The following FBXO11 variants were observed in gnomAD, a reference collection of about 807,000 sequenced individuals.
FBXO11 encodes F-box only protein 11.
In FBXO11, 13 loss-of-function variants were observed where a neutral mutation model predicts 117.0. The ratio of observed to expected loss-of-function variants is 0.11; its 90% CI spans 0.07 to 0.18. The LOEUF is 0.18. Ranked by LOEUF, FBXO11 falls within the 10% of genes least tolerant of loss-of-function variation. The pLI is 1.00. For missense variants in FBXO11, 767 were observed against 1,164.4 expected, an observed-to-expected ratio of 0.66 and a Z score of 4.97; for synonymous variants, 490 against 380.5, an observed-to-expected ratio of 1.29 and a Z score of -3.35.
chr2:47,859,476 A>C (rs1674586072), intron 1 of FBXO11, among the ~76,000 whole-genome samples: 1 of 152,214 alleles, frequency 6.6e-6, no homozygotes, highest in Non-Finnish European at 1.5e-5. Context: ...GTTGGGAAAA[A>C]CTTGGCAAAG....
intron 1 of FBXO11, chr2:47,883,674 T>C (rs1330649539): frequency 1.1e-5 from 3 of 266,562 alleles, no homozygotes; most frequent in Non-Finnish European, 1.5e-5. Flanking sequence ...GTTGAGACTT[T>C]GTGATGTTAT....
chr2:47,838,062 A>AAG (rs1491525560), intron 4 of FBXO11, among the ~76,000 whole-genome samples: 2 of 14,402 alleles, frequency 1.4e-4, no homozygotes, highest in Non-Finnish European at 2.5e-4. Context: ...CCTTTGTCTC[A>AAG]AAAAAAAAAA....
At chr2:47,901,190 T>C (rs902863133) in intron 1 of FBXO11, among the ~76,000 whole-genome samples, 7 of 148,028 alleles carry the variant, frequency 4.7e-5, no homozygotes, top group African/African-American at 1.7e-4. Flanking sequence ...TGTGGGTACA[T>C]ATATATGTGT....
chr2:47,880,282 T>C (rs564405853), intron 1 of FBXO11, among the ~76,000 whole-genome samples: 1 of 152,318 alleles, frequency 6.6e-6, no homozygotes, highest in South Asian at 2.1e-4. Flanking sequence ...TGTTTTAATG[T>C]AATAGAATTT....
chr2:47,848,458 A>ACC (rs1490469621), intron 1 of FBXO11, among the ~76,000 whole-genome samples: 1 of 152,150 alleles, frequency 6.6e-6, no homozygotes, highest in Non-Finnish European at 1.5e-5. Flanking sequence ...GAAACCACCC[A>ACC]CCCCTCTGAG....
intron 1 of FBXO11, among the ~76,000 whole-genome samples, chr2:47,852,348 G>A (rs1193953295): frequency 6.6e-6 from 1 of 152,162 alleles, no homozygotes; most frequent in Non-Finnish European, 1.5e-5. Context: ...AAAGGATGGA[G>A]AGGGGGCTCA....
intron 1 of FBXO11, among the ~76,000 whole-genome samples, chr2:47,884,929 C>T (rs1676704121): frequency 6.6e-6 from 1 of 152,082 alleles, no homozygotes; most frequent in Non-Finnish European, 1.5e-5. Flanking sequence ...TTCTATTGCG[C>T]ATCATAAGTC....
At chr2:47,859,023 T>G (rs1347640092) in intron 1 of FBXO11, among the ~76,000 whole-genome samples, 1 of 129,182 alleles carries the variant, frequency 7.7e-6, no homozygotes, top group African/African-American at 3.0e-5. Flanking sequence ...CCTGGGCGAC[T>G]GAGCAAAACT....
intron 7 of FBXO11, among the ~76,000 whole-genome samples, chr2:47,834,232 C>T (rs1672389348): frequency 6.6e-6 from 1 of 152,076 alleles, no homozygotes; most frequent in African/African-American, 2.4e-5. Context: ...TGCCTATAAT[C>T]CCAGCTACTT....
intron 1 of FBXO11, among the ~76,000 whole-genome samples, chr2:47,897,164 A>C (rs1208790249): frequency 6.6e-6 from 1 of 152,162 alleles, no homozygotes; most frequent in Non-Finnish European, 1.5e-5. Flanking sequence ...CCCCTTTCCT[A>C]CTAAGTGTTA....
At position 47,828,714 on chromosome 2, in the gene FBXO11, C is replaced by T. The variant is rs533723464; in HGVS notation, c.1398+3635G>A. The stretch of plus-strand genomic sequence containing the variant: ...CTATCTTCATAGAAATAAACTTCCA[C>T]AACTCTAATCTATAAAAACACTTAC... On this transcript the variant is annotated intron_variant, in intron 11 of 22. Coordinates refer to ENST00000403359, the MANE Select transcript of FBXO11 (RefSeq NM_001190274.2). Among the ~76,000 whole-genome samples the T allele has an allele frequency of 2.0e-5, 3 of 152,116 alleles. No individual in the cohort carries two copies. In the South Asian group the frequency reaches 6.2e-4, roughly 32 times the overall value.
At chr2:47,876,011 G>A (rs1200530775) in intron 1 of FBXO11, among the ~76,000 whole-genome samples, 2 of 152,126 alleles carry the variant, frequency 1.3e-5, no homozygotes, top group African/African-American at 2.4e-5. Flanking sequence ...ACTATGAGAA[G>A]GTATTATTGT....
rs1211533218 is a variant in FBXO11, at chr2:47,905,701, G to A, written c.20C>T (p.Ala7Val). 5 of 1,523,026 alleles carry A rather than the reference G, an allele frequency of 3.3e-6. No homozygotes were observed. The highest frequency in any genetic ancestry group is 4.4e-6 in the Non-Finnish European group (5 of 1,137,544). 94.3% of individuals were successfully genotyped at this position (1,523,026 alleles called of 1,614,324 possible). MNSVRA[A>V]NRRPRRVSRP... The stretch of plus-strand genomic sequence containing the variant: ...CGACACTCGCCTGGGTCTCCGGTTG[G>A]CGGCTCGGACGGAGTTCATTTGCCG... The change falls in exon 1 of 23, where the codon GCC becomes GTC. Residue 7 changes from alanine (A) to valine (V), a missense_variant. Physicochemically the swap from Ala to Val is moderately conservative, Grantham distance 64. Around this residue, in one of 10 missense-constraint regions of FBXO11, gnomAD observed 355 missense variants for 299.8 expected, o/e 1.18. Coordinates refer to ENST00000403359, the MANE Select transcript of FBXO11 (RefSeq NM_001190274.2).
intron 1 of FBXO11, among the ~76,000 whole-genome samples, chr2:47,903,583 CG>C: frequency 6.6e-6 from 1 of 152,182 alleles, no homozygotes; most frequent in South Asian, 2.1e-4. Context: ...CAACTAAGTT[CG>C]AAATTACACA....
rs1171244174 is a variant in FBXO11 at position 47,813,056 on chromosome 2, T to C, written c.2227+178A>G. 59 of 655,970 alleles carry C rather than the reference T, an allele frequency of 9.0e-5. 3 individuals carry two copies. The South Asian group carries it at 1.0e-3, about 11-fold the overall frequency. 40.6% of individuals were successfully genotyped at this position (655,970 alleles called of 1,614,324 possible). On this transcript the variant is annotated intron_variant, in intron 18 of 22. Transcript: ENST00000403359. ...CAAAGTGGCTACAAAAGGAAAAGTA[T>C]TGTAAACATTTGTCTCTTAACTCTA...
chr2:47,901,120 C>T (rs1351053733), intron 1 of FBXO11, among the ~76,000 whole-genome samples: 8 of 78,478 alleles, frequency 1.0e-4, no homozygotes, highest in East Asian at 5.4e-4. Context: ...TATGTACACA[C>T]GTGTGTACAT....
intron 1 of FBXO11, among the ~76,000 whole-genome samples, chr2:47,843,173 G>C (rs776478119): frequency 4.6e-5 from 7 of 152,064 alleles, no homozygotes; most frequent in Non-Finnish European, 8.8e-5. Flanking sequence ...CTCCCTTTGA[G>C]GTCTAATATG....
chr2:47,834,918 C>T, intron 5 of FBXO11, 47 bp from the exon 6 acceptor site: 1 of 1,321,136 alleles, frequency 7.6e-7, no homozygotes, highest in East Asian at 2.3e-5. Context: ...TAACATAAAC[C>T]TTATATTTAA....
In FBXO11 at chr2:47,813,787, A is replaced by C. The variant is rs780793954; in HGVS notation, c.2083+4T>G. 3.7e-6 allele frequency: 6 copies of C among 1,608,722 alleles called. No homozygotes were observed. The highest frequency in any genetic ancestry group is 5.1e-6 in the Non-Finnish European group (6 of 1,175,366). On this transcript the variant is annotated splice_donor_region_variant and intron_variant, in intron 17 of 22. Coordinates refer to ENST00000403359, the MANE Select transcript of FBXO11 (RefSeq NM_001190274.2). The stretch of plus-strand genomic sequence containing the variant: ...ACAGAAAAAAGATGACAGATTAAAC[A>C]TACCAGAATTATAAACTAGAATTCC...
Sources: allele counts gnomAD v4.1 joint callset (sites outside exome capture counted in the v4.1 genomes callset), GRCh38; gene constraint gnomAD v4.1.1; regional missense constraint gnomAD v4.1.1; transcripts MANE v1.5; gene names NCBI Gene and HGNC (gene_info 2026-07-23, HGNC 2026-07-21).